Variants in POU3F1 observed in about 807,000 individuals in gnomAD.
The protein encoded by POU3F1 is POU class 3 homeobox 1.
A neutral mutation model predicts 7.6 loss-of-function variants in POU3F1; 1 was observed. That is an observed-to-expected ratio of 0.13 (90% CI 0.05 to 0.62). POU3F1 has a LOEUF of 0.62. POU3F1 is among the 20% of genes least tolerant of loss of function. POU3F1 has a pLI of 0.87. For missense variants in POU3F1, 505 were observed against 679.3 expected, an observed-to-expected ratio of 0.74 and a Z score of 2.85; for synonymous variants, 354 against 339.0, an observed-to-expected ratio of 1.04 and a Z score of -0.49.
In POU3F1 at chr1:38,046,299, C is replaced by A; in HGVS notation, c.445G>T (p.Gly149Trp). Reference sequence around the variant, plus strand: ...CCGAGCGGCTGGGGCTGGTGGCCCCCGCTGGCCCCGGGCGAGGGCGACATG... The same window carrying A: ...CCGAGCGGCTGGGGCTGGTGGCCCCAGCTGGCCCCGGGCGAGGGCGACATG... ...PAMSPSPGASGGHQPQPLGLY... is the reference protein window; with the variant it reads ...PAMSPSPGASWGHQPQPLGLY... Residue 149 changes from glycine (G) to tryptophan (W), a missense_variant, in exon 1 of 1, where the codon GGG becomes TGG. Gly to Trp is a radical substitution (Grantham distance 184, BLOSUM62 -2). Around this residue, in one of 5 missense-constraint regions of POU3F1, gnomAD observed 361 missense variants for 382.1 expected, o/e 0.94. Coordinates refer to ENST00000373012, the MANE Select transcript of POU3F1 (RefSeq NM_002699.4). This position sits in a 1 kb window ranked among gnomAD's most constrained non-coding sequence, Gnocchi z 9.5. 2 of 1,175,804 alleles carry A rather than the reference C, an allele frequency of 1.7e-6. No homozygotes were observed. Among genetic ancestry groups the A allele is most frequent in the Non-Finnish European group, 2.1e-6 (2 of 951,220 alleles). 72.8% of individuals were successfully genotyped at this position (1,175,804 alleles called of 1,614,324 possible).
Position 38,046,403 on chromosome 1 carries a change from G to T in POU3F1, c.341C>A (p.Ala114Glu). 1 of 1,258,094 alleles carries T rather than the reference G, an allele frequency of 7.9e-7. No individual in the cohort carries two copies. Among genetic ancestry groups the T allele is most frequent in the Non-Finnish European group, 9.9e-7 (1 of 1,006,116 alleles). The allele number at this position is 1,258,094 out of a possible 1,614,324, so 77.9% of individuals were successfully genotyped here. The change falls in exon 1 of 1, where the codon GCG becomes GAG. Residue 114 changes from alanine to glutamate, a missense_variant. By Grantham distance (107) the Ala-to-Glu change is moderately radical (BLOSUM62 -1). Coordinates refer to ENST00000373012, the MANE Select transcript of POU3F1 (RefSeq NM_002699.4). The surrounding 1 kb of genome is among the most constrained non-coding windows in gnomAD (Gnocchi z 9.5). ...DDGGGGGGFH[A>E]RLVHQGAAHA... ...GGCCGCCCCCTGGTGCACCAGGCGCGCGTGGAAACCTCCGCCGCCGCCGCC... is the reference window on the plus strand; with the variant it reads ...GGCCGCCCCCTGGTGCACCAGGCGCTCGTGGAAACCTCCGCCGCCGCCGCC...
chr1:38,045,544 C>T lies in POU3F1; in HGVS notation c.1200G>A (p.Ala400=), dbSNP rs571961075. Residue 400 remains alanine, a synonymous_variant, in exon 1 of 1, where the codon GCG becomes GCA. Transcript: ENST00000373012. The surrounding 1 kb of genome is among the most constrained non-coding windows in gnomAD (Gnocchi z 9.4). ...CCATGGGCGGGTGGCCCGCGCCGGC[C>T]GCAGGGGTCATGCGCTTCTCCTTCT... ...RRQKEKRMTP[A]AGAGHPPMDD... 3.7e-6 allele frequency: 6 copies of T among 1,602,094 alleles called. No homozygotes were observed. The East Asian group carries it at 6.8e-5, about 18-fold the overall frequency.
chr1:38,045,504 G>A lies in POU3F1; in HGVS notation c.1240C>T (p.Pro414Ser), dbSNP rs763253513. The A allele has an allele frequency of 7.3e-5, 114 of 1,570,886 alleles. No homozygotes were observed. The highest frequency in any genetic ancestry group is 8.7e-5 in the Non-Finnish European group (101 of 1,159,994). Residue 414 changes from proline to serine, a missense_variant, in exon 1 of 1, where the codon CCT becomes TCT. Transcript: ENST00000373012. The surrounding 1 kb of genome is among the most constrained non-coding windows in gnomAD (Gnocchi z 9.4). ...GHPPMDDVYAPGELGPGGGGA... is the reference protein window; with the variant it reads ...GHPPMDDVYASGELGPGGGGA... ...CCCCCGCCAGGCCCTAGCTCCCCAG[G>A]CGCGTATACATCGTCCATGGGCGGG...
At position 38,046,622 on chromosome 1, in the gene POU3F1, T is replaced by C. The variant is rs779267159; in HGVS notation, c.122A>G (p.His41Arg). 4.4e-6 allele frequency: 6 copies of C among 1,356,088 alleles called. No homozygotes were observed. The highest frequency in any genetic ancestry group is 1.6e-5 in the South Asian group (1 of 62,570). The allele number at this position is 1,356,088 out of a possible 1,614,324, so 84.0% of individuals were successfully genotyped here. The change falls in exon 1 of 1, where the codon CAT (histidine) becomes CGT (arginine). Residue 41 changes from histidine to arginine, a missense_variant. His to Arg is a conservative substitution (Grantham distance 29). Around this residue, in one of 5 missense-constraint regions of POU3F1, gnomAD observed 361 missense variants for 382.1 expected, o/e 0.94. Transcript: ENST00000373012. This position sits in a 1 kb window ranked among gnomAD's most constrained non-coding sequence, Gnocchi z 9.5. Reference protein sequence around the residue: ...AAAAAAAERLHAGAAYREVQK... With the variant: ...AAAAAAAERLRAGAAYREVQK... ...CACTTCGCGGTACGCGGCCCCTGCA[T>C]GCAATCGCTCCGCGGCCGCCGCCGC...
rs1385579053 is a variant in POU3F1, at chr1:38,044,020, AG to A, written c.*1367del. Among the ~76,000 whole-genome samples the A allele has an allele frequency of 1.3e-5, 2 of 152,248 alleles. No homozygotes were observed. The highest frequency in any genetic ancestry group is 4.8e-5 in the African/African-American group (2 of 41,464). ...TAACAAACAGAAGAAGAAACGGAGAAGGGGGAAGCTCCAAACACATCCAGAA... is the reference window on the plus strand; with the variant it reads ...TAACAAACAGAAGAAGAAACGGAGAAGGGGAAGCTCCAAACACATCCAGAA... On this transcript the variant is annotated 3_prime_UTR_variant, in exon 1 of 1. Transcript: ENST00000373012.
rs761836020 is a variant in POU3F1 at position 38,045,647 on chromosome 1, G to A, written c.1097C>T (p.Ala366Val). The A allele has an allele frequency of 2.5e-6, 4 of 1,613,560 alleles. No individual in the cohort carries two copies. Among genetic ancestry groups the A allele is most frequent in the East Asian group, 2.2e-5 (1 of 44,844 alleles). The change falls in exon 1 of 1, where the codon GCG (alanine) becomes GTG (valine). Residue 366 changes from alanine (A) to valine (V), a missense_variant. Ala to Val is a moderately conservative substitution (Grantham distance 64, BLOSUM62 0). This residue lies in a region of POU3F1 where 24 missense variants were observed against 80.6 expected (regional missense o/e 0.30). Transcript: ENST00000373012. The surrounding 1 kb of genome is among the most constrained non-coding windows in gnomAD (Gnocchi z 9.4). ...SHFLKCPKPS[A>V]HEITGLADSL... The stretch of plus-strand genomic sequence containing the variant: ...GTCTGCCAAGCCGGTGATCTCGTGC[G>A]CCGAGGGCTTGGGGCACTTGAGAAA...
In POU3F1 at chr1:38,046,070, G is replaced by A. The variant is rs756419041; in HGVS notation, c.674C>T (p.Ala225Val). ...HGHAHAGGLH[A>V]AAAHLHPGAG... Reference sequence around the variant, plus strand: ...GCCCGGGTGCAGGTGCGCCGCCGCCGCGTGCAGGCCGCCCGCGTGTGCATG... The same window carrying A: ...GCCCGGGTGCAGGTGCGCCGCCGCCACGTGCAGGCCGCCCGCGTGTGCATG... The change falls in exon 1 of 1, where the codon GCG becomes GTG. Residue 225 changes from alanine (A) to valine (V), a missense_variant. Transcript: ENST00000373012. The surrounding 1 kb of genome is among the most constrained non-coding windows in gnomAD (Gnocchi z 9.5). 2.0e-6 allele frequency: 3 copies of A among 1,466,460 alleles called. No homozygotes were observed. Among genetic ancestry groups the A allele is most frequent in the Non-Finnish European group, 2.7e-6 (3 of 1,118,742 alleles). 90.8% of individuals were successfully genotyped at this position (1,466,460 alleles called of 1,614,324 possible). A position where few individuals can be genotyped will look rare whatever the true frequency, so the allele number is the denominator to read the frequency against.
At position 38,046,555 on chromosome 1, in the gene POU3F1, G is replaced by A; in HGVS notation, c.189C>T (p.Gly63=). 2 of 1,367,484 alleles carry A rather than the reference G, an allele frequency of 1.5e-6. No individual in the cohort carries two copies. The highest frequency in any genetic ancestry group is 1.5e-5 in the African/African-American group (1 of 65,394). 84.7% of individuals were successfully genotyped at this position (1,367,484 alleles called of 1,614,324 possible). A position where few individuals can be genotyped will look rare whatever the true frequency, so the allele number is the denominator to read the frequency against. Reference sequence around the variant, plus strand: ...GGGGGTGCGCTAGGCCCACGGGGTGGCCCGCGCCCGCGCCCAGCCACTCGT... The same window carrying A: ...GGGGGTGCGCTAGGCCCACGGGGTGACCCGCGCCCGCGCCCAGCCACTCGT... ...MHHEWLGAGA[G]HPVGLAHPQW... The change falls in exon 1 of 1, where the codon GGC becomes GGT. Residue 63 remains glycine (G), a synonymous_variant. Transcript: ENST00000373012. This position sits in a 1 kb window ranked among gnomAD's most constrained non-coding sequence, Gnocchi z 9.5.
In POU3F1 at chr1:38,044,443, G is replaced by A. The variant is rs1470158562; in HGVS notation, c.*945C>T. 6.6e-6 allele frequency among the ~76,000 whole-genome samples: 1 copy of A among 152,280 alleles called. No individual in the cohort carries two copies. The highest frequency in any genetic ancestry group is 1.9e-4 in the East Asian group (1 of 5,198). The stretch of plus-strand genomic sequence containing the variant: ...GAGGGCAGGGCCCCGCGGGGAGCAG[G>A]GGCCGCGCTATGCGGCGGTCGGTCT... On this transcript the variant is annotated 3_prime_UTR_variant, in exon 1 of 1. Coordinates refer to ENST00000373012, the MANE Select transcript of POU3F1 (RefSeq NM_002699.4).
chr1:38,046,443 C>A lies in POU3F1; in HGVS notation c.301G>T (p.Gly101Cys), dbSNP rs1646862432. The change falls in exon 1 of 1, where the codon GGC (glycine) becomes TGC (cysteine). Residue 101 changes from glycine (G) to cysteine (C), a missense_variant. Transcript: ENST00000373012. The surrounding 1 kb of genome is among the most constrained non-coding windows in gnomAD (Gnocchi z 9.5). ...EHGKAGGGGT[G>C]RADDGGGGGG... Reference sequence around the variant, plus strand: ...CCGCCGCCGCCGTCGTCGGCTCGGCCGGTGCCGCCGCCGCCTGCCTTGCCG... The same window carrying A: ...CCGCCGCCGCCGTCGTCGGCTCGGCAGGTGCCGCCGCCGCCTGCCTTGCCG... The A allele has an allele frequency of 7.6e-7, 1 of 1,316,930 alleles. No homozygotes were observed. The highest frequency in any genetic ancestry group is 9.7e-7 in the Non-Finnish European group (1 of 1,033,054). 81.6% of individuals were successfully genotyped at this position (1,316,930 alleles called of 1,614,324 possible). A position where few individuals can be genotyped will look rare whatever the true frequency, so the allele number is the denominator to read the frequency against.
At position 38,046,654 on chromosome 1, in the gene POU3F1, C is replaced by T; in HGVS notation, c.90G>A (p.Ala30=). The change falls in exon 1 of 1, where the codon GCG becomes GCA. Residue 30 remains alanine (A), a synonymous_variant. Coordinates refer to ENST00000373012, the MANE Select transcript of POU3F1 (RefSeq NM_002699.4). This position sits in a 1 kb window ranked among gnomAD's most constrained non-coding sequence, Gnocchi z 9.5. ...GCTCCGCGGCCGCCGCCGCCGCCGCCGCCGCCGCGGCGTCCGGGTGCATAA... is the reference window on the plus strand; with the variant it reads ...GCTCCGCGGCCGCCGCCGCCGCCGCTGCCGCCGCGGCGTCCGGGTGCATAA... ...GPLMHPDAAA[A]AAAAAAAERL... 1.5e-6 allele frequency: 2 copies of T among 1,305,144 alleles called. No homozygotes were observed. The highest frequency in any genetic ancestry group is 2.0e-6 in the Non-Finnish European group (2 of 1,024,232). The allele number at this position is 1,305,144 out of a possible 1,614,324, so 80.8% of individuals were successfully genotyped here.
chr1:38,046,426 G>A lies in POU3F1; in HGVS notation c.318C>T (p.Gly106=). The A allele has an allele frequency of 1.5e-6, 2 of 1,293,250 alleles. No individual in the cohort carries two copies. Among genetic ancestry groups the A allele is most frequent in the Non-Finnish European group, 2.0e-6 (2 of 1,022,136 alleles). 80.1% of individuals were successfully genotyped at this position (1,293,250 alleles called of 1,614,324 possible). ...GGGGTGRADD[G]GGGGGFHARL... is the part of the protein sequence containing the mutation. ...GCGCGTGGAAACCTCCGCCGCCGCC[G>A]CCGTCGTCGGCTCGGCCGGTGCCGC... The change falls in exon 1 of 1, where the codon GGC becomes GGT. Residue 106 remains glycine (G), a synonymous_variant. Coordinates refer to ENST00000373012, the MANE Select transcript of POU3F1 (RefSeq NM_002699.4). This position sits in a 1 kb window ranked among gnomAD's most constrained non-coding sequence, Gnocchi z 9.5.
Position 38,046,236 on chromosome 1 carries a change from C to T in POU3F1, c.508G>A (p.Gly170Ser). 1.9e-6 allele frequency: 2 copies of T among 1,061,628 alleles called. No individual in the cohort carries two copies. The highest frequency in any genetic ancestry group is 2.3e-6 in the Non-Finnish European group (2 of 884,110). 65.8% of individuals were successfully genotyped at this position (1,061,628 alleles called of 1,614,324 possible). A position where few individuals can be genotyped will look rare whatever the true frequency, so the allele number is the denominator to read the frequency against. The change falls in exon 1 of 1, where the codon GGC (glycine) becomes AGC (serine). Residue 170 changes from glycine to serine, a missense_variant. Physicochemically the swap from Gly to Ser is moderately conservative, Grantham distance 56. Coordinates refer to ENST00000373012, the MANE Select transcript of POU3F1 (RefSeq NM_002699.4). The surrounding 1 kb of genome is among the most constrained non-coding windows in gnomAD (Gnocchi z 9.5). The stretch of plus-strand genomic sequence containing the variant: ...GCCGCCAGCATCCCGGCCAGGCCGC[C>T]GCCGCCGCCCCCCGGGTAGGCCGCC... The part of the protein sequence containing the change: ...AQAAYPGGGG[G>S]GLAGMLAAGG...
In POU3F1 at chr1:38,046,610, G is replaced by A. The variant is rs1646863563; in HGVS notation, c.134C>T (p.Ala45Val). The change falls in exon 1 of 1, where the codon GCG becomes GTG. Residue 45 changes from alanine to valine, a missense_variant. By Grantham distance (64) the Ala-to-Val change is moderately conservative (BLOSUM62 0). This residue lies in a region of POU3F1 where 361 missense variants were observed against 382.1 expected (regional missense o/e 0.94). Transcript: ENST00000373012. The surrounding 1 kb of genome is among the most constrained non-coding windows in gnomAD (Gnocchi z 9.5). ...AAAERLHAGAAYREVQKLMHH... is the reference protein window; with the variant it reads ...AAAERLHAGAVYREVQKLMHH... ...CATCAGCTTCTGCACTTCGCGGTAC[G>A]CGGCCCCTGCATGCAATCGCTCCGC... 7.3e-7 allele frequency: 1 copy of A among 1,369,454 alleles called. No homozygotes were observed. Among genetic ancestry groups the A allele is most frequent in the Non-Finnish European group, 9.5e-7 (1 of 1,055,242 alleles). 84.8% of individuals were successfully genotyped at this position (1,369,454 alleles called of 1,614,324 possible).
In POU3F1 at chr1:38,046,641, C is replaced by T; in HGVS notation, c.103G>A (p.Ala35Thr). 1 of 1,287,842 alleles carries T rather than the reference C, an allele frequency of 7.8e-7. No individual in the cohort carries two copies. Among genetic ancestry groups the T allele is most frequent in the Non-Finnish European group, 9.9e-7 (1 of 1,010,100 alleles). 79.8% of individuals were successfully genotyped at this position (1,287,842 alleles called of 1,614,324 possible). A position where few individuals can be genotyped will look rare whatever the true frequency, so the allele number is the denominator to read the frequency against. The change falls in exon 1 of 1, where the codon GCG (alanine) becomes ACG (threonine). Residue 35 changes from alanine (A) to threonine (T), a missense_variant. Transcript: ENST00000373012. This position sits in a 1 kb window ranked among gnomAD's most constrained non-coding sequence, Gnocchi z 9.5. Reference protein sequence around the residue: ...PDAAAAAAAAAAAERLHAGAA... With the variant: ...PDAAAAAAAATAAERLHAGAA... ...CCTGCATGCAATCGCTCCGCGGCCG[C>T]CGCCGCCGCCGCCGCCGCCGCGGCG...
rs1553170066 is a variant in POU3F1 at position 38,044,272 on chromosome 1, T to TGGCATCCCGC, written c.*1106_*1115dup. On this transcript the variant is annotated 3_prime_UTR_variant, in exon 1 of 1. Transcript: ENST00000373012. Reference sequence around the variant, plus strand: ...GGGGAATTTCTCTCCCGGCCTCCCCTGGCATCCCGCATCCCGGCGGGCTGG... The same window carrying TGGCATCCCGC: ...GGGGAATTTCTCTCCCGGCCTCCCCTGGCATCCCGCGGCATCCCGCATCCCGGCGGGCTGG... Among the ~76,000 whole-genome samples, 5 of 152,278 alleles carry TGGCATCCCGC rather than the reference T, an allele frequency of 3.3e-5. No individual in the cohort carries two copies. The highest frequency in any genetic ancestry group is 2.6e-4 in the Admixed American group (4 of 15,294).
rs1307599015 is a variant in POU3F1, at chr1:38,045,311, CAA to C, written c.*75_*76del. 6.9e-5 allele frequency: 31 copies of C among 446,850 alleles called. No individual in the cohort carries two copies. Among genetic ancestry groups the C allele is most frequent in the East Asian group, 4.8e-4 (4 of 8,376 alleles). 27.7% of individuals were successfully genotyped at this position (446,850 alleles called of 1,614,324 possible). A position where few individuals can be genotyped will look rare whatever the true frequency, so the allele number is the denominator to read the frequency against. Reference sequence around the variant, plus strand: ...TTTTGTAAAATCCAAAGCAACCGAACAAAAAGAGTCCAGGCCGCGCGGGCGGG... The same window carrying C: ...TTTTGTAAAATCCAAAGCAACCGAACAAAGAGTCCAGGCCGCGCGGGCGGG... On this transcript the variant is annotated 3_prime_UTR_variant, in exon 1 of 1. Transcript: ENST00000373012. The surrounding 1 kb of genome is among the most constrained non-coding windows in gnomAD (Gnocchi z 9.4).
chr1:38,046,080 C>T lies in POU3F1; in HGVS notation c.664G>A (p.Gly222Ser). 6.8e-7 allele frequency: 1 copy of T among 1,460,164 alleles called. No homozygotes were observed. The highest frequency in any genetic ancestry group is 9.0e-7 in the Non-Finnish European group (1 of 1,115,914). The allele number at this position is 1,460,164 out of a possible 1,614,324, so 90.5% of individuals were successfully genotyped here. ...AGGTGCGCCGCCGCCGCGTGCAGGC[C>T]GCCCGCGTGTGCATGTCCGTGTGCG... ...GHAHGHAHAG[G>S]LHAAAAHLHP... The change falls in exon 1 of 1, where the codon GGC becomes AGC. Residue 222 changes from glycine (G) to serine (S), a missense_variant. Coordinates refer to ENST00000373012, the MANE Select transcript of POU3F1 (RefSeq NM_002699.4). The surrounding 1 kb of genome is among the most constrained non-coding windows in gnomAD (Gnocchi z 9.5).
At position 38,046,625 on chromosome 1, in the gene POU3F1, A is replaced by G; in HGVS notation, c.119T>C (p.Leu40Ser). Residue 40 changes from leucine (L) to serine (S), a missense_variant, in exon 1 of 1, where the codon TTG becomes TCG. Coordinates refer to ENST00000373012, the MANE Select transcript of POU3F1 (RefSeq NM_002699.4). This position sits in a 1 kb window ranked among gnomAD's most constrained non-coding sequence, Gnocchi z 9.5. ...AAAAAAAAER[L>S]HAGAAYREVQ... is the part of the protein sequence containing the mutation. Reference sequence around the variant, plus strand: ...TTCGCGGTACGCGGCCCCTGCATGCAATCGCTCCGCGGCCGCCGCCGCCGC... The same window carrying G: ...TTCGCGGTACGCGGCCCCTGCATGCGATCGCTCCGCGGCCGCCGCCGCCGC... 1 of 1,347,412 alleles carries G rather than the reference A, an allele frequency of 7.4e-7. No homozygotes were observed. The highest frequency in any genetic ancestry group is 1.6e-5 in the South Asian group (1 of 60,834). 83.5% of individuals were successfully genotyped at this position (1,347,412 alleles called of 1,614,324 possible).
Sources: gnomAD v4.1 joint callset for allele counts (sites outside exome capture counted in the v4.1 genomes callset) on GRCh38, gnomAD v4.1.1 for gene constraint, gnomAD v4.1.1 regional missense constraint, Gnocchi (gnomAD v3.1) non-coding constraint, MANE v1.5 for transcripts, NCBI Gene and HGNC (gene_info 2026-07-23, HGNC 2026-07-21) for gene names.